Variants in OLFML2B observed in about 807,000 individuals in gnomAD.
OLFML2B encodes the protein olfactomedin-like protein 2B.
In OLFML2B, 57 loss-of-function variants were observed where a neutral mutation model predicts 74.9. The ratio of observed to expected loss-of-function variants is 0.76; its 90% CI spans 0.61 to 0.95. The LOEUF is 0.95. Ranked by LOEUF, OLFML2B falls within the 40% of genes least tolerant of loss-of-function variation. The pLI is 0.00. For missense variants in OLFML2B, 986 were observed against 970.6 expected (o/e 1.02, Z -0.21); for synonymous variants, 388 against 405.8 (o/e 0.96, Z 0.53).
At position 162,017,465 on chromosome 1, in the gene OLFML2B, G is replaced by A. The variant is rs2101978779; in HGVS notation, c.481C>T (p.Leu161=). 6.2e-7 allele frequency: 1 copy of A among 1,613,426 alleles called. No individual in the cohort carries two copies. Among genetic ancestry groups the A allele is most frequent in the Non-Finnish European group, 8.5e-7 (1 of 1,179,754 alleles). Residue 161 remains leucine, a synonymous_variant, in exon 3 of 8, where the codon CTG becomes TTG. Coordinates refer to ENST00000294794, the MANE Select transcript of OLFML2B (RefSeq NM_015441.3). ...ACTGAATGTAGCTTCAGGAGATCCA[G>A]GCCATAGAACGCTCCTTCCAACATG... ...IDMLEGAFYG[L]DLLKLHSVTT... is the part of the protein sequence containing the mutation.
chr1:162,008,800 G>A (rs1171562572), intron 3 of OLFML2B, among the ~76,000 whole-genome samples: 1 of 152,208 alleles, frequency 6.6e-6, no homozygotes, highest in Non-Finnish European at 1.5e-5. Flanking sequence ...GAGAAAGCTT[G>A]GGGCACAGCT....
chr1:161,998,853 G>A (rs905355118), intron 5 of OLFML2B, among the ~76,000 whole-genome samples: 4 of 152,346 alleles, frequency 2.6e-5, no homozygotes, highest in South Asian at 4.1e-4. Flanking sequence ...AACTTGCAGA[G>A]AAGAATAAAG....
At chr1:161,986,340 C>T (rs1049261013) in intron 6 of OLFML2B, among the ~76,000 whole-genome samples, 1 of 152,224 alleles carries the variant, frequency 6.6e-6, no homozygotes, top group Non-Finnish European at 1.5e-5. Context: ...CTCTGCTCCC[C>T]GCAGTGGTTT....
chr1:162,014,223 T>A (rs1181869277), intron 3 of OLFML2B, among the ~76,000 whole-genome samples: 1 of 152,242 alleles, frequency 6.6e-6, no homozygotes, highest in Non-Finnish European at 1.5e-5. Flanking sequence ...TTTCTATGCA[T>A]GTGTCGTTTT....
At position 162,019,973 on chromosome 1, in the gene OLFML2B, G is replaced by T. The variant is rs759424305; in HGVS notation, c.384C>A (p.Cys128Ter). Residue 128 changes from cysteine to a stop codon, truncating the protein, a stop_gained, in exon 2 of 8, where the codon TGC (cysteine) becomes TGA (stop). Coordinates refer to ENST00000294794, the MANE Select transcript of OLFML2B (RefSeq NM_015441.3). LOFTEE classifies it high-confidence loss of function. ...GCTTCTGGAGCCTGAAGTCTCCCTC[G>T]CAGGGATTGAGGGCCGATGGGGGTG... ...CVAPPSALNPCEGDFRLQKLR... is the reference protein window; with the variant it reads ...CVAPPSALNP The T allele has an allele frequency of 1.9e-6, 3 of 1,614,130 alleles. No homozygotes were observed. The South Asian group carries it at 3.3e-5, about 18-fold the overall frequency.
chr1:162,021,747 C>G (rs1690708818), intron 1 of OLFML2B, among the ~76,000 whole-genome samples: 1 of 152,164 alleles, frequency 6.6e-6, no homozygotes, highest in African/African-American at 2.4e-5. Flanking sequence ...GCTGTCTGCT[C>G]TCTGAAACTC....
At position 162,015,251 on chromosome 1, in the gene OLFML2B, T is replaced by C. The variant is rs143315400; in HGVS notation, c.546+2149A>G. Reference sequence around the variant, plus strand: ...AAAACGAGGTTACTGTGTGACTGTATAGACGATACCACCCTGCTGGGGCAC... The same window carrying C: ...AAAACGAGGTTACTGTGTGACTGTACAGACGATACCACCCTGCTGGGGCAC... On this transcript the variant is annotated intron_variant, in intron 3 of 7. Coordinates refer to ENST00000294794, the MANE Select transcript of OLFML2B (RefSeq NM_015441.3). Among the ~76,000 whole-genome samples, 370 of 152,342 alleles carry C rather than the reference T, an allele frequency of 2.4e-3. 1 individual carries two copies. Among genetic ancestry groups the C allele is most frequent in the African/African-American group, 8.3e-3 (347 of 41,570 alleles).
chr1:162,021,098 C>T (rs556355083), intron 1 of OLFML2B, among the ~76,000 whole-genome samples: 30 of 152,252 alleles, frequency 2.0e-4, no homozygotes, highest in Admixed American at 1.4e-3. Flanking sequence ...GAGCTAAGAG[C>T]GGCTCCAACT....
intron 2 of OLFML2B, among the ~76,000 whole-genome samples, chr1:162,018,926 T>C (rs1283234502): frequency 6.6e-6 from 1 of 152,250 alleles, no homozygotes; most frequent in Non-Finnish European, 1.5e-5. Flanking sequence ...TGATTTCTAA[T>C]AGACATTTTG....
intron 3 of OLFML2B, among the ~76,000 whole-genome samples, chr1:162,015,338 A>T (rs1690500889): frequency 6.6e-6 from 1 of 152,168 alleles, no homozygotes; most frequent in Non-Finnish European, 1.5e-5. Context: ...CTGCTAGACA[A>T]GGCTGTAACA....
At chr1:162,022,313 C>G (rs949822434) in intron 1 of OLFML2B, among the ~76,000 whole-genome samples, 4 of 129,144 alleles carry the variant, frequency 3.1e-5, no homozygotes, top group South Asian at 4.9e-4. Context: ...TGCAGTGGCG[C>G]GATCTCCGCT....
At chr1:162,006,085 TCAA>T (rs1037553887) in intron 4 of OLFML2B, among the ~76,000 whole-genome samples, 7 of 152,152 alleles carry the variant, frequency 4.6e-5, no homozygotes, top group African/African-American at 1.7e-4. Flanking sequence ...AGTCCTGGCT[TCAA>T]CACTCACTGA....
chr1:162,006,775 T>C (rs539573238), intron 3 of OLFML2B, among the ~76,000 whole-genome samples: 3 of 152,324 alleles, frequency 2.0e-5, no homozygotes, highest in African/African-American at 7.2e-5. Flanking sequence ...CACCAGGTTC[T>C]TTTTCTGTCC....
rs374641911 is a variant in OLFML2B, at chr1:161,984,921, G to A, written c.1534C>T (p.Arg512Trp). 3.2e-5 allele frequency: 52 copies of A among 1,611,674 alleles called. No homozygotes were observed. Among genetic ancestry groups the A allele is most frequent in the East Asian group, 2.2e-4 (10 of 44,802 alleles). ...TCCTTCATCCAGGCCCCTTCATTCC[G>A]CCCATATGTGTTCTGGGTGGTCGGC... is the stretch of plus-strand genomic sequence containing the variant. ...TGPTTQNTYG[R>W]NEGAWMKDPL... Residue 512 changes from arginine (R) to tryptophan (W), a missense_variant, in exon 7 of 8, where the codon CGG becomes TGG. Transcript: ENST00000294794.
At chr1:161,991,067 G>GGAAATCCAAATCC (rs1287623789) in intron 6 of OLFML2B, among the ~76,000 whole-genome samples, 1 of 152,128 alleles carries the variant, frequency 6.6e-6, no homozygotes, top group African/African-American at 2.4e-5. Context: ...CATCTGCAGT[G>GGAAATCCAAATCC]ACTTCCTCCA....
chr1:161,988,955 G>A (rs1313994010), intron 6 of OLFML2B, among the ~76,000 whole-genome samples: 1 of 152,108 alleles, frequency 6.6e-6, no homozygotes, highest in African/African-American at 2.4e-5. Context: ...TCCACCAACT[G>A]AGCCAGAAAC....
intron 4 of OLFML2B, among the ~76,000 whole-genome samples, chr1:162,005,737 C>CA (rs561830768): frequency 1.3e-4 from 19 of 151,764 alleles, no homozygotes; most frequent in Middle Eastern, 3.4e-3. Flanking sequence ...CCTGTATTTA[C>CA]AAAAAATAAA....
rs762791152 is a variant in OLFML2B, at chr1:162,017,467, C to A, written c.479G>T (p.Gly160Val). Residue 160 changes from glycine (G) to valine (V), a missense_variant, in exon 3 of 8, where the codon GGC becomes GTC. Coordinates refer to ENST00000294794, the MANE Select transcript of OLFML2B (RefSeq NM_015441.3). ...IIDMLEGAFYGLDLLKLHSVT... is the reference protein window; with the variant it reads ...IIDMLEGAFYVLDLLKLHSVT... ...TGAATGTAGCTTCAGGAGATCCAGG[C>A]CATAGAACGCTCCTTCCAACATGTC... 1.9e-6 allele frequency: 3 copies of A among 1,613,390 alleles called. No homozygotes were observed. Among genetic ancestry groups the A allele is most frequent in the South Asian group, 2.2e-5 (2 of 90,870 alleles).
chr1:161,997,765 C>A, intron 6 of OLFML2B, 60 bp downstream of exon 6: 1 of 1,520,620 alleles, frequency 6.6e-7, no homozygotes, highest in Non-Finnish European at 8.9e-7. Flanking sequence ...CAAGATATTT[C>A]CAGGCTCAGC....
Sources: gnomAD v4.1 joint callset for allele counts (sites outside exome capture counted in the v4.1 genomes callset) on GRCh38, gnomAD v4.1.1 for gene constraint, MANE v1.5 for transcripts, NCBI Gene and HGNC (gene_info 2026-07-23, HGNC 2026-07-21) for gene names.